Variants in EPHB1 observed in about 807,000 individuals in gnomAD.
The protein encoded by EPHB1 is EPH receptor B1, also known as ephrin type-B receptor 1.
Under a neutral mutation model 94.4 loss-of-function variants are expected in EPHB1, and 30 were observed. The observed-to-expected ratio is 0.32, with a 90% confidence interval of 0.24 to 0.43. EPHB1 has a LOEUF of 0.43. EPHB1 is among the 20% of genes least tolerant of loss of function. The probability of loss-of-function intolerance (pLI) is 1.00; values close to 1 mark genes in which losing one functional copy is unlikely to be tolerated. For missense variants in EPHB1, 1,055 were observed against 1,308.3 expected, an observed-to-expected ratio of 0.81 and a Z score of 2.99; for synonymous variants, 522 against 489.1, an observed-to-expected ratio of 1.07 and a Z score of -0.89.
chr3:134,805,940 C>T (rs1438955563), intron 1 of EPHB1, among the ~76,000 whole-genome samples: 4 of 152,124 alleles, frequency 2.6e-5, no homozygotes, highest in Admixed American at 1.3e-4. Flanking sequence ...TACCCCACAG[C>T]TCCGTGAGCC....
At chr3:134,947,743 A>T (rs975148) in intron 2 of EPHB1, among the ~76,000 whole-genome samples, 1 of 151,954 alleles carries the variant, frequency 6.6e-6, no homozygotes, top group East Asian at 1.9e-4. Flanking sequence ...TCTAAGATAA[A>T]TTTTCTCAAT....
intron 1 of EPHB1, among the ~76,000 whole-genome samples, chr3:134,832,503 C>T (rs1248959870): frequency 1.3e-5 from 2 of 152,218 alleles, no homozygotes; most frequent in East Asian, 3.8e-4. Context: ...TGGCTTCAGT[C>T]ACCCAAGTAT....
In EPHB1 at chr3:134,795,626, C is replaced by T. The variant is rs2108280243; in HGVS notation, c.-6C>T. 6.2e-7 allele frequency: 1 copy of T among 1,603,202 alleles called. No individual in the cohort carries two copies. The highest frequency in any genetic ancestry group is 8.5e-7 in the Non-Finnish European group (1 of 1,175,974). On this transcript the variant is annotated 5_prime_UTR_variant, in exon 1 of 16. Transcript: ENST00000398015. ...TTGGTCTCGGCCTGCGGGCCGTCGG[C>T]CGGCGATGGCCCTGGATTATCTACT... is the stretch of plus-strand genomic sequence containing the variant.
chr3:135,015,858 T>C (rs1196757493), intron 3 of EPHB1, among the ~76,000 whole-genome samples: 1 of 151,984 alleles, frequency 6.6e-6, no homozygotes, highest in Non-Finnish European at 1.5e-5. Context: ...CAACCACACA[T>C]AGAGAAGTGG....
chr3:135,003,800 TC>T (rs1459647838), intron 3 of EPHB1, among the ~76,000 whole-genome samples: 1 of 152,026 alleles, frequency 6.6e-6, no homozygotes, highest in Non-Finnish European at 1.5e-5. Flanking sequence ...TTTTTTGTTT[TC>T]CATTTGCTTG....
chr3:134,963,790 C>T (rs1377572265), intron 3 of EPHB1, among the ~76,000 whole-genome samples: 2 of 152,162 alleles, frequency 1.3e-5, no homozygotes, highest in Non-Finnish European at 2.9e-5. Flanking sequence ...ATCAGCATTC[C>T]GTTTGGACTA....
chr3:135,238,343 G>A (rs952228804), intron 12 of EPHB1, among the ~76,000 whole-genome samples: 1 of 152,224 alleles, frequency 6.6e-6, no homozygotes, highest in Non-Finnish European at 1.5e-5. Flanking sequence ...CACCTGCTGG[G>A]ATGGAGGGGG....
chr3:135,121,448 C>A (rs1939958517), intron 4 of EPHB1, among the ~76,000 whole-genome samples: 1 of 152,196 alleles, frequency 6.6e-6, no homozygotes, highest in African/African-American at 2.4e-5. Flanking sequence ...GAAGTTCTGT[C>A]CTGTAAGACC....
At chr3:134,909,935 C>T (rs2038416762) in intron 1 of EPHB1, among the ~76,000 whole-genome samples, 1 of 152,178 alleles carries the variant, frequency 6.6e-6, no homozygotes, top group Non-Finnish European at 1.5e-5. Context: ...TCCAAAAGGA[C>T]CTAGAGTGAT....
intron 12 of EPHB1, among the ~76,000 whole-genome samples, chr3:135,236,837 T>C (rs926297569): frequency 6.6e-6 from 1 of 152,220 alleles, no homozygotes; most frequent in Non-Finnish European, 1.5e-5. Flanking sequence ...CCCAGACACA[T>C]AGAAGTGCTA....
intron 1 of EPHB1, among the ~76,000 whole-genome samples, chr3:134,883,944 A>G (rs1330175871): frequency 1.3e-5 from 2 of 152,174 alleles, no homozygotes; most frequent in African/African-American, 4.8e-5. Flanking sequence ...GTGAATCATG[A>G]TCCATTTCCC....
rs769441012 is a variant in EPHB1, at chr3:134,925,862, G to A, written c.105G>A (p.Thr35=). Residue 35 remains threonine (T), a synonymous_variant, in exon 2 of 16, where the codon ACG becomes ACA. Coordinates refer to ENST00000398015, the MANE Select transcript of EPHB1 (RefSeq NM_004441.5). The part of the protein sequence containing the change: ...TRTATAELGW[T]ANPASGWEEV... ...CGGCTACTGCAGAGCTGGGCTGGAC[G>A]GCCAATCCTGCGTCCGGGGTGAGTA... 50 of 1,605,136 alleles carry A rather than the reference G, an allele frequency of 3.1e-5. No homozygotes were observed. Among genetic ancestry groups the A allele is most frequent in the Admixed American group, 2.2e-4 (13 of 59,104 alleles).
intron 3 of EPHB1, among the ~76,000 whole-genome samples, chr3:135,070,221 G>A (rs1329308145): frequency 6.6e-6 from 1 of 152,188 alleles, no homozygotes; most frequent in Non-Finnish European, 1.5e-5. Context: ...TTCACGCTCT[G>A]TTGCTGCCTA....
intron 1 of EPHB1, among the ~76,000 whole-genome samples, chr3:134,833,315 G>T (rs145928564): frequency 9.2e-4 from 140 of 152,330 alleles, no homozygotes; most frequent in Middle Eastern, 3.4e-3. Context: ...GGGAAAGACT[G>T]CCCAGGATAG....
At chr3:135,072,713 C>G (rs1937768072) in intron 3 of EPHB1, among the ~76,000 whole-genome samples, 2 of 152,208 alleles carry the variant, frequency 1.3e-5, no homozygotes, top group Admixed American at 1.3e-4. Flanking sequence ...GTCTGGCACG[C>G]CCTCTCTTCT....
chr3:135,205,156 T>C (rs566790770), intron 12 of EPHB1, among the ~76,000 whole-genome samples: 1 of 152,282 alleles, frequency 6.6e-6, no homozygotes, highest in Non-Finnish European at 1.5e-5. Flanking sequence ...TAGTACTCCA[T>C]TGTGTATAAG....
chr3:134,916,932 C>G (rs1436324546), intron 1 of EPHB1, among the ~76,000 whole-genome samples: 1 of 152,232 alleles, frequency 6.6e-6, no homozygotes, highest in African/African-American at 2.4e-5. Context: ...TCAATACCAT[C>G]TTGATTTGAG....
intron 1 of EPHB1, among the ~76,000 whole-genome samples, chr3:134,839,267 T>C (rs1327072471): frequency 6.6e-6 from 1 of 152,160 alleles, no homozygotes; most frequent in Non-Finnish European, 1.5e-5. Flanking sequence ...GTAACTGTGC[T>C]CAGCAGACAC....
intron 3 of EPHB1, among the ~76,000 whole-genome samples, chr3:135,051,662 G>T (rs190252957): frequency 6.6e-6 from 1 of 152,210 alleles, no homozygotes; most frequent in Admixed American, 6.5e-5. Context: ...CTTTGACTGC[G>T]TGGGTTTTGA....
Sources: gnomAD v4.1 joint callset for allele counts (sites outside exome capture counted in the v4.1 genomes callset) on GRCh38, gnomAD v4.1.1 for gene constraint, MANE v1.5 for transcripts, NCBI Gene and HGNC (gene_info 2026-07-23, HGNC 2026-07-21) for gene names.